INTS1: variants seen among roughly 807,000 people sequenced by gnomAD.
INTS1 encodes the protein integrator complex subunit 1.
Under a neutral mutation model 241.6 loss-of-function variants are expected in INTS1, and 137 were observed. The observed-to-expected ratio is 0.57, with a 90% confidence interval of 0.49 to 0.65. INTS1 has a LOEUF of 0.65. INTS1 is among the 30% of genes least tolerant of loss of function. INTS1 has a pLI of 0.00. For missense variants in INTS1, 3,073 were observed against 3,032.2 expected (o/e 1.01, Z -0.32); for synonymous variants, 1,692 against 1,337.8 (o/e 1.26, Z -5.78).
chr7:1,493,629 G>T lies in INTS1; in HGVS notation c.2068+125C>A. On this transcript the variant is annotated intron_variant, in intron 15 of 47. Transcript: ENST00000404767. The surrounding 1 kb of genome is among the most constrained non-coding windows in gnomAD (Gnocchi z 5.3). ...GAAGGCAGGTCCCCGAGCCTCCCGG[G>T]GACCCAGGACCCAGCTGAAGCGCAG... The T allele has an allele frequency of 7.7e-7, 1 of 1,295,290 alleles. No homozygotes were observed. Among genetic ancestry groups the T allele is most frequent in the Non-Finnish European group, 1.0e-6 (1 of 973,884 alleles). 80.2% of individuals were successfully genotyped at this position (1,295,290 alleles called of 1,614,324 possible). A position where few individuals can be genotyped will look rare whatever the true frequency, so the allele number is the denominator to read the frequency against.
In INTS1 at chr7:1,487,058, G is replaced by C; in HGVS notation, c.2690C>G (p.Ser897Cys). ...CAGCACGTCCAGGGAGCCCTCGCTG[G>C]ACTGTACCAGGTCCGCCAGCCAGGG... ...SMPWLADLVQ[S>C]SEGSLDVLPV... Residue 897 changes from serine to cysteine, a missense_variant, in exon 21 of 48, where the codon TCC (serine) becomes TGC (cysteine). Physicochemically the swap from Ser to Cys is moderately radical, Grantham distance 112. Coordinates refer to ENST00000404767, the MANE Select transcript of INTS1 (RefSeq NM_001080453.3). 1 of 1,566,556 alleles carries C rather than the reference G, an allele frequency of 6.4e-7. No individual in the cohort carries two copies. The highest frequency in any genetic ancestry group is 8.6e-7 in the Non-Finnish European group (1 of 1,160,506).
intron 45 of INTS1, 25 bp downstream of exon 45, chr7:1,471,546 T>A (rs1262618653): frequency 6.2e-7 from 1 of 1,609,550 alleles, no homozygotes; most frequent in South Asian, 1.1e-5. Context: ...TCCTCCCAGC[T>A]CTCCCTCAGC....
chr7:1,472,232 AG>A, intron 44 of INTS1, 40 bp downstream of exon 44: 12 of 1,444,586 alleles, frequency 8.3e-6, no homozygotes, highest in Non-Finnish European at 1.1e-5. Context: ...CATGGGACCC[AG>A]GGCGCTGACC....
In INTS1 at chr7:1,487,484, C is replaced by T. The variant is rs759137311; in HGVS notation, c.2517-35G>A. On this transcript the variant is annotated intron_variant, in intron 19 of 47. Coordinates refer to ENST00000404767, the MANE Select transcript of INTS1 (RefSeq NM_001080453.3). ...ACAGGGGACACGGTGCGTCAGCACGCCCTGAGCGGATCACCCCCAGAACCC... is the reference window on the plus strand; with the variant it reads ...ACAGGGGACACGGTGCGTCAGCACGTCCTGAGCGGATCACCCCCAGAACCC... The T allele has an allele frequency of 3.8e-6, 6 of 1,599,210 alleles. 1 individual carries two copies. Among genetic ancestry groups the T allele is most frequent in the Middle Eastern group, 2.2e-4 (1 of 4,594 alleles).
At chr7:1,480,979 G>A (rs1051315206) in intron 28 of INTS1, 46 bp from the exon 29 acceptor site, 4 of 1,411,288 alleles carry the variant, frequency 2.8e-6, no homozygotes, top group East Asian at 2.4e-5. Context: ...CAGGGGCCAG[G>A]GAGCAGGTCC....
chr7:1,474,589 G>A, intron 40 of INTS1, 116 bp downstream of exon 40: 1 of 1,391,808 alleles, frequency 7.2e-7, no homozygotes, highest in East Asian at 2.5e-5. Flanking sequence ...TCAGCCCATG[G>A]GAACATGCTT....
intron 14 of INTS1, chr7:1,494,576 C>A (rs981062802): frequency 1.2e-5 from 7 of 578,070 alleles, no homozygotes; most frequent in African/African-American, 1.9e-5. Context: ...GGGGAGGCTG[C>A]GGCTGGGGCT....
chr7:1,470,909 G>A lies in INTS1; in HGVS notation c.6394C>T (p.Gln2132Ter). Residue 2132 changes from glutamine to a stop codon, truncating the protein, a stop_gained, in exon 47 of 48, where the codon CAG becomes TAG. Transcript: ENST00000404767. LOFTEE classifies it high-confidence loss of function. Reference sequence around the variant, plus strand: ...GCCGTCTGCACCACCTCAAAGTCCTGGCTGCCCAGGCAGTACATGAACGTG... The same window carrying A: ...GCCGTCTGCACCACCTCAAAGTCCTAGCTGCCCAGGCAGTACATGAACGTG... Reference protein sequence around the residue: ...LPTFMYCLGSQDFEVVQTALR... With the variant: ...LPTFMYCLGS 2 of 1,588,330 alleles carry A rather than the reference G, an allele frequency of 1.3e-6. No homozygotes were observed. Among genetic ancestry groups the A allele is most frequent in the Non-Finnish European group, 1.7e-6 (2 of 1,168,400 alleles).
At position 1,473,073 on chromosome 7, in the gene INTS1, C is replaced by T. The variant is rs1584255576; in HGVS notation, c.6069G>A (p.Glu2023=). 6.3e-7 allele frequency: 1 copy of T among 1,598,976 alleles called. No individual in the cohort carries two copies. Among genetic ancestry groups the T allele is most frequent in the East Asian group, 2.2e-5 (1 of 44,624 alleles). The stretch of plus-strand genomic sequence containing the variant: ...GCAGCCCCTGGCAGCCCCACTCACC[C>T]TCGCCCTCTTCGTCCAGGCCTCGGT... The part of the protein sequence containing the change: ...RTDRGLDEEG[E]EESSAGSLPL... Residue 2023 remains glutamate, a splice_region_variant and synonymous_variant, in exon 43 of 48, where the codon GAG becomes GAA. Transcript: ENST00000404767.
chr7:1,494,408 A>C, intron 14 of INTS1: 1 of 278,174 alleles, frequency 3.6e-6, no homozygotes, highest in Non-Finnish European at 7.0e-6. Flanking sequence ...GGGGTCACCC[A>C]TGGGGCTTGA....
chr7:1,482,010 C>T (rs901497801), intron 27 of INTS1, among the ~76,000 whole-genome samples: 3 of 152,148 alleles, frequency 2.0e-5, no homozygotes, highest in South Asian at 2.1e-4. Flanking sequence ...CCGAAGCCAT[C>T]GGTGGCTTCC....
rs774365505 is a variant in INTS1, at chr7:1,496,199, C to T, written c.1668G>A (p.Gln556=). ...AVSMMLGITA[Q]VKEAGIAWDK... is the part of the protein sequence containing the mutation. ...CCCAGGCGATGCCGGCCTCCTTCAC[C>T]TGCGCTGTGATGCCCAGCATCATGG... is the stretch of plus-strand genomic sequence containing the variant. The change falls in exon 12 of 48, where the codon CAG becomes CAA. Residue 556 remains glutamine (Q), a synonymous_variant. Transcript: ENST00000404767. 6.2e-7 allele frequency: 1 copy of T among 1,613,756 alleles called. No individual in the cohort carries two copies. Among genetic ancestry groups the T allele is most frequent in the African/African-American group, 1.3e-5 (1 of 74,932 alleles).
rs76801170 is a variant in INTS1, at chr7:1,488,611, G to A, written c.2319-654C>T. Among the ~76,000 whole-genome samples, 1,137 of 152,026 alleles carry A rather than the reference G, an allele frequency of 7.5e-3. 15 individuals carry two copies. The highest frequency in any genetic ancestry group is 0.025 in the African/African-American group (1,056 of 41,462). On this transcript the variant is annotated intron_variant, in intron 18 of 47. Transcript: ENST00000404767. Reference sequence around the variant, plus strand: ...CAGTGCAACGGCCCCAAACGTACCCGATCCCAACGCCACACACACACACCT... The same window carrying A: ...CAGTGCAACGGCCCCAAACGTACCCAATCCCAACGCCACACACACACACCT...
At chr7:1,474,963 T>C in intron 39 of INTS1, 125 bp from the exon 40 acceptor site, 1 of 1,278,624 alleles carries the variant, frequency 7.8e-7, no homozygotes, top group Non-Finnish European at 1.1e-6. Flanking sequence ...AGGAACTGGC[T>C]CCTTACGGCT....
intron 44 of INTS1, chr7:1,471,865 G>A (rs546946824): frequency 2.9e-5 from 17 of 594,794 alleles, no homozygotes; most frequent in South Asian, 2.0e-4. Flanking sequence ...GACCCCTCAC[G>A]GCAGCCCCAT....
Position 1,477,568 on chromosome 7 carries a change from C to G in INTS1, c.4920G>C (p.Leu1640=), listed in dbSNP as rs747307316. 2 of 1,533,016 alleles carry G rather than the reference C, an allele frequency of 1.3e-6. No individual in the cohort carries two copies. The highest frequency in any genetic ancestry group is 1.8e-6 in the Non-Finnish European group (2 of 1,141,804). The allele number at this position is 1,533,016 out of a possible 1,614,324, so 95.0% of individuals were successfully genotyped here. A position where few individuals can be genotyped will look rare whatever the true frequency, so the allele number is the denominator to read the frequency against. Reference sequence around the variant, plus strand: ...CACCCACCTTCCTCCGGGAGAAGAGCAGCCTGAGCTGCAGGTCGGGGCAGC... The same window carrying G: ...CACCCACCTTCCTCCGGGAGAAGAGGAGCCTGAGCTGCAGGTCGGGGCAGC... ...VSSCPDLQLR[L]LFSRRKGKGQ... Residue 1640 remains leucine, a synonymous_variant, in exon 35 of 48, where the codon CTG becomes CTC. Coordinates refer to ENST00000404767, the MANE Select transcript of INTS1 (RefSeq NM_001080453.3).
intron 40 of INTS1, 59 bp from the exon 41 acceptor site, chr7:1,474,419 C>A: frequency 6.7e-7 from 1 of 1,484,360 alleles, no homozygotes; most frequent in East Asian, 2.4e-5. Context: ...GGCGCACGTC[C>A]CCAGGAAGGC....
At chr7:1,478,069 G>T in intron 33 of INTS1, 133 bp from the exon 34 acceptor site, 1 of 795,618 alleles carries the variant, frequency 1.3e-6, no homozygotes. Flanking sequence ...GCCGGAGCCA[G>T]AGAGGAGAGT....
rs773314816 is a variant in INTS1 at position 1,503,202 on chromosome 7, A to T, written c.59-11T>A. 3.9e-6 allele frequency: 6 copies of T among 1,520,086 alleles called. No individual in the cohort carries two copies. The South Asian group carries it at 7.9e-5, about 20-fold the overall frequency. 94.2% of individuals were successfully genotyped at this position (1,520,086 alleles called of 1,614,324 possible). On this transcript the variant is annotated splice_polypyrimidine_tract_variant and intron_variant, in intron 2 of 47. Coordinates refer to ENST00000404767, the MANE Select transcript of INTS1 (RefSeq NM_001080453.3). ...CTGGGGGAGGGTGCCCTGCAGAGAA[A>T]GGAGAGAGAAAACCGGGCACATTTG... is the stretch of plus-strand genomic sequence containing the variant.
Sources: gnomAD v4.1 joint callset for allele counts (sites outside exome capture counted in the v4.1 genomes callset) on GRCh38, gnomAD v4.1.1 for gene constraint, Gnocchi (gnomAD v3.1) non-coding constraint, MANE v1.5 for transcripts, NCBI Gene and HGNC (gene_info 2026-07-23, HGNC 2026-07-21) for gene names.